BLMH: variants seen among roughly 807,000 people sequenced by gnomAD.
The protein encoded by BLMH is BLM hydrolase.
In BLMH, 32 loss-of-function variants were observed where a neutral mutation model predicts 61.6. The observed-to-expected ratio is 0.52, with a 90% confidence interval of 0.39 to 0.70. The LOEUF is 0.70. Among genes scored for constraint, BLMH ranks in the 30% least tolerant of loss-of-function variants. The pLI is 0.00. For synonymous variants in BLMH, 183 were observed against 193.8 expected (o/e 0.94, Z 0.46); for missense variants, 460 against 555.5 (o/e 0.83, Z 1.73).
chr17:30,283,935 G>T (rs115603988), intron 6 of BLMH, among the ~76,000 whole-genome samples: 1 of 152,130 alleles, frequency 6.6e-6, no homozygotes, highest in Non-Finnish European at 1.5e-5. Flanking sequence ...CTCCTGCTAC[G>T]TGCCAGGCAC....
At chr17:30,261,401 G>A (rs188951549) in intron 11 of BLMH, among the ~76,000 whole-genome samples, 5 of 152,298 alleles carry the variant, frequency 3.3e-5, no homozygotes, top group East Asian at 3.9e-4. Context: ...GAATTCTCAC[G>A]AAGCAAGATG....
intron 9 of BLMH, among the ~76,000 whole-genome samples, chr17:30,271,783 TA>T (rs1235641302): frequency 6.6e-6 from 1 of 152,194 alleles, no homozygotes; most frequent in African/African-American, 2.4e-5. Context: ...CACTGCTGAT[TA>T]AAATTTAAAT....
At chr17:30,262,511 C>T (rs1907984671) in intron 11 of BLMH, among the ~76,000 whole-genome samples, 1 of 152,070 alleles carries the variant, frequency 6.6e-6, no homozygotes, top group African/African-American at 2.4e-5. Flanking sequence ...ACTAAATAAC[C>T]TTGGCCGGGC....
At chr17:30,262,923 C>T (rs948004176) in intron 11 of BLMH, among the ~76,000 whole-genome samples, 1 of 152,236 alleles carries the variant, frequency 6.6e-6, no homozygotes, top group Non-Finnish European at 1.5e-5. Context: ...AATGTGCTAA[C>T]ATGTGACAAA....
rs908920732 is a variant in BLMH, at chr17:30,274,143, C to G, written c.700G>C (p.Glu234Gln). ...TAATTTTTATCTTTGTCTCGATATT[C>G]CCAGGTGAATGTCTCTGGTGGATTA... ...LGNPPETFTW[E>Q]YRDKDKNYQK... The change falls in exon 7 of 12, where the codon GAA becomes CAA. Residue 234 changes from glutamate (E) to glutamine (Q), a missense_variant. Physicochemically the swap from Glu to Gln is conservative, Grantham distance 29 (BLOSUM62 2). Coordinates refer to ENST00000261714, the MANE Select transcript of BLMH (RefSeq NM_000386.4). The G allele has an allele frequency of 7.4e-6, 12 of 1,614,058 alleles. No homozygotes were observed. The highest frequency in any genetic ancestry group is 1.0e-5 in the Non-Finnish European group (12 of 1,179,984).
chr17:30,281,963 C>G (rs768092233), intron 6 of BLMH, among the ~76,000 whole-genome samples: 4 of 152,298 alleles, frequency 2.6e-5, no homozygotes, highest in Middle Eastern at 3.4e-3. Flanking sequence ...TTTTCAATAG[C>G]TGACAGCCAC....
At chr17:30,272,505 C>T in intron 9 of BLMH, 56 bp downstream of exon 9, 1 of 1,589,906 alleles carries the variant, frequency 6.3e-7, no homozygotes, top group Non-Finnish European at 8.6e-7. Context: ...ACCAACAGCA[C>T]ACTCCAACAG....
At position 30,264,642 on chromosome 17, in the gene BLMH, G is replaced by A. The variant is rs139397322; in HGVS notation, c.1216+2243C>T. On this transcript the variant is annotated intron_variant, in intron 11 of 11. Coordinates refer to ENST00000261714, the MANE Select transcript of BLMH (RefSeq NM_000386.4). ...TGACTATTACAGATGGAAAAATATC[G>A]CAGCAAGCTGACGGATCCAGGCTCA... is the stretch of plus-strand genomic sequence containing the variant. Among the ~76,000 whole-genome samples, 44 of 152,214 alleles carry A rather than the reference G, an allele frequency of 2.9e-4. No homozygotes were observed. In the East Asian group the frequency reaches 5.8e-3, roughly 20 times the overall value.
intron 11 of BLMH, among the ~76,000 whole-genome samples, chr17:30,261,027 G>A (rs964467593): frequency 6.6e-5 from 10 of 152,100 alleles, no homozygotes; most frequent in African/African-American, 1.7e-4. Flanking sequence ...CCCCTTTCTC[G>A]GAAATCAGAA....
rs1190696205 is a variant in BLMH at position 30,291,930 on chromosome 17, G to C, written c.-111C>G. 4 of 1,197,968 alleles carry C rather than the reference G, an allele frequency of 3.3e-6. No individual in the cohort carries two copies. The highest frequency in any genetic ancestry group is 3.2e-6 in the Non-Finnish European group (3 of 940,140). The allele number at this position is 1,197,968 out of a possible 1,614,324, so 74.2% of individuals were successfully genotyped here. On this transcript the variant is annotated 5_prime_UTR_variant, in exon 1 of 12. Transcript: ENST00000261714. ...GGGCCCGACCTGTCTCTCGCACCCG[G>C]AGCGCCGGAAAAAGGAAACCGGCTC...
intron 10 of BLMH, among the ~76,000 whole-genome samples, chr17:30,267,803 A>G (rs1012707003): frequency 6.6e-6 from 1 of 152,174 alleles, no homozygotes; most frequent in African/African-American, 2.4e-5. Flanking sequence ...GGCAACTTAA[A>G]TCTTTGTAGC....
chr17:30,276,876 C>A (rs151112807), intron 6 of BLMH, among the ~76,000 whole-genome samples: 1 of 152,322 alleles, frequency 6.6e-6, no homozygotes, highest in African/African-American at 2.4e-5. Context: ...ACAACTTCCA[C>A]CAGATAACCA....
chr17:30,257,349 C>T (rs145625440), intron 11 of BLMH, among the ~76,000 whole-genome samples: 1 of 152,080 alleles, frequency 6.6e-6, no homozygotes, highest in Non-Finnish European at 1.5e-5. Flanking sequence ...CCCCAAGATA[C>T]GCTGTAAGTG....
intron 11 of BLMH, among the ~76,000 whole-genome samples, chr17:30,260,243 T>C (rs919166964): frequency 6.6e-6 from 1 of 152,176 alleles, no homozygotes; most frequent in Non-Finnish European, 1.5e-5. Context: ...TGGCTCCAGA[T>C]TCTGTGCTTA....
intron 10 of BLMH, among the ~76,000 whole-genome samples, chr17:30,270,227 C>T (rs139888413): frequency 1.3e-4 from 20 of 152,262 alleles, no homozygotes; most frequent in East Asian, 3.9e-4. Context: ...TAGCTGGGTG[C>T]GGTGGCTCAT....
At position 30,274,331 on chromosome 17, in the gene BLMH, C is replaced by A. The variant is rs1172981212; in HGVS notation, c.646-134G>T. 6 of 1,016,604 alleles carry A rather than the reference C, an allele frequency of 5.9e-6. No individual in the cohort carries two copies. In the African/African-American group the frequency reaches 9.8e-5, roughly 17 times the overall value. 63.0% of individuals were successfully genotyped at this position (1,016,604 alleles called of 1,614,324 possible). A position where few individuals can be genotyped will look rare whatever the true frequency, so the allele number is the denominator to read the frequency against. Reference sequence around the variant, plus strand: ...TCAAGCTAAAAATTTCACAAGAAATCTAATACTGCGTCAAAAACTGGAAAG... The same window carrying A: ...TCAAGCTAAAAATTTCACAAGAAATATAATACTGCGTCAAAAACTGGAAAG... On this transcript the variant is annotated intron_variant, in intron 6 of 11. Coordinates refer to ENST00000261714, the MANE Select transcript of BLMH (RefSeq NM_000386.4).
At chr17:30,288,131 T>C (rs1908782532) in intron 3 of BLMH, 184 bp from the exon 4 acceptor site, 2 of 534,856 alleles carry the variant, frequency 3.7e-6, no homozygotes, top group South Asian at 3.3e-5. Context: ...ATGCTAATCT[T>C]TTCTGTATCA....
At chr17:30,254,773 G>A (rs537081256) in intron 11 of BLMH, among the ~76,000 whole-genome samples, 5 of 152,286 alleles carry the variant, frequency 3.3e-5, no homozygotes, top group South Asian at 4.1e-4. Flanking sequence ...TAATTTTTGA[G>A]TTGCCTACAA....
chr17:30,270,818 CAT>C (rs1311300367), intron 10 of BLMH, among the ~76,000 whole-genome samples: 12 of 152,172 alleles, frequency 7.9e-5, no homozygotes, highest in African/African-American at 2.9e-4. Context: ...TGAAGCTCTG[CAT>C]ATAACTAGAA....
Sources: gnomAD v4.1 joint callset for allele counts (sites outside exome capture counted in the v4.1 genomes callset) on GRCh38, gnomAD v4.1.1 for gene constraint, MANE v1.5 for transcripts, NCBI Gene and HGNC (gene_info 2026-07-23, HGNC 2026-07-21) for gene names.